The following DOCK9 variants were observed in gnomAD, a reference collection of about 807,000 sequenced individuals.
DOCK9 encodes dedicator of cytokinesis protein 9.
DOCK9 carries 89 observed loss-of-function variants against 263.3 expected under a neutral mutation model. The observed-to-expected ratio is 0.34, with a 90% confidence interval of 0.28 to 0.40. The LOEUF is 0.40. Among genes scored for constraint, DOCK9 ranks in the 10% least tolerant of loss-of-function variants. The probability of loss-of-function intolerance (pLI) is 1.00; values close to 1 mark genes in which losing one functional copy is unlikely to be tolerated. For missense variants in DOCK9, 2,140 were observed against 2,603.4 expected (o/e 0.82, Z 3.87); for synonymous variants, 976 against 973.1 (o/e 1.00, Z -0.06).
chr13:98,814,486 A>G (rs1594266957), intron 45 of DOCK9, among the ~76,000 whole-genome samples: 2 of 150,056 alleles, frequency 1.3e-5, no homozygotes, highest in African/African-American at 4.9e-5. Context: ...GCTTACTGCA[A>G]CCTCCACCTC....
intron 9 of DOCK9, among the ~76,000 whole-genome samples, chr13:98,906,834 A>G (rs1001318412): frequency 1.3e-5 from 2 of 152,158 alleles, no homozygotes; most frequent in African/African-American, 2.4e-5. Flanking sequence ...TTCTAGTTCA[A>G]TTAAGTAGCT....
chr13:98,945,861 G>C (rs6491471), intron 2 of DOCK9, among the ~76,000 whole-genome samples: 29,650 of 152,168 alleles, frequency 0.19, 3,323 homozygotes, highest in African/African-American at 0.31. Flanking sequence ...AAGAGACAGG[G>C]AGAGAAAAAA....
chr13:98,838,100 G>C (rs954611183), intron 38 of DOCK9, among the ~76,000 whole-genome samples: 1 of 152,202 alleles, frequency 6.6e-6, no homozygotes, highest in African/African-American at 2.4e-5. Flanking sequence ...CAGAGGCTAA[G>C]ATTTCCAAAG....
At chr13:98,803,729 T>TA (rs200695611) in intron 49 of DOCK9, among the ~76,000 whole-genome samples, 3 of 152,166 alleles carry the variant, frequency 2.0e-5, no homozygotes, top group Non-Finnish European at 2.9e-5. Flanking sequence ...ATGTGTGCAT[T>TA]AAAAAAATAA....
chr13:99,008,975 T>C (rs1450327213), intron 1 of DOCK9, among the ~76,000 whole-genome samples: 1 of 152,198 alleles, frequency 6.6e-6, no homozygotes, highest in African/African-American at 2.4e-5. Context: ...ACATATATTT[T>C]TATGAATAGT....
intron 1 of DOCK9, among the ~76,000 whole-genome samples, chr13:99,038,763 G>A (rs751245228): frequency 3.9e-5 from 6 of 152,190 alleles, no homozygotes; most frequent in Non-Finnish European, 7.4e-5. Context: ...CTGTGCACAT[G>A]TGTATTCTTT....
At chr13:98,981,185 T>C (rs1877117240), upstream of DOCK9, among the ~76,000 whole-genome samples, 2 of 151,814 alleles carry the variant, frequency 1.3e-5, no homozygotes, top group East Asian at 1.9e-4. Flanking sequence ...GCCTCCCAAG[T>C]AGCTGGGACT....
chr13:99,021,531 C>T (rs9513532), intron 1 of DOCK9, among the ~76,000 whole-genome samples: 74,822 of 150,442 alleles, frequency 0.5, 18,786 homozygotes, highest in East Asian at 0.66. Flanking sequence ...CCCAGCTACT[C>T]GGGAGGCTGA....
intron 1 of DOCK9, among the ~76,000 whole-genome samples, chr13:99,000,319 G>A (rs567101014): frequency 2.0e-5 from 3 of 152,318 alleles, no homozygotes; most frequent in African/African-American, 7.2e-5. Flanking sequence ...TGAGAAAGCA[G>A]TATCTTCCTG....
chr13:98,867,812 C>G, intron 29 of DOCK9, 116 bp downstream of exon 29: 1 of 980,798 alleles, frequency 1.0e-6, no homozygotes, highest in Non-Finnish European at 1.5e-6. Flanking sequence ...GACACAGGCT[C>G]AATACAATAA....
intron 1 of DOCK9, among the ~76,000 whole-genome samples, chr13:98,971,686 T>A (rs147577832): frequency 2.2e-3 from 338 of 152,078 alleles, no homozygotes; most frequent in African/African-American, 7.5e-3. Flanking sequence ...CCAGCCTGGG[T>A]GACAGAGCGA....
intron 49 of DOCK9, among the ~76,000 whole-genome samples, chr13:98,803,100 C>T (rs9554526): frequency 0.35 from 53,765 of 152,028 alleles, 11,296 homozygotes; most frequent in East Asian, 0.62. Context: ...AGGACAGCCT[C>T]GCCATTGCTT....
chr13:98,818,621 A>G (rs2140479935), intron 45 of DOCK9, among the ~76,000 whole-genome samples: 1 of 151,544 alleles, frequency 6.6e-6, no homozygotes, highest in South Asian at 2.1e-4. Context: ...TAATATATTT[A>G]TATTTTTAAT....
intron 7 of DOCK9, among the ~76,000 whole-genome samples, chr13:98,919,582 T>C (rs141874898): frequency 1.4e-3 from 211 of 152,328 alleles, no homozygotes; most frequent in African/African-American, 4.8e-3. Context: ...TGGAGTTATC[T>C]GAAGGGAGAA....
chr13:98,872,542 GA>G (rs1326746902), intron 27 of DOCK9, among the ~76,000 whole-genome samples: 1 of 152,126 alleles, frequency 6.6e-6, no homozygotes, highest in Non-Finnish European at 1.5e-5. Flanking sequence ...GAGTAGCCGG[GA>G]TAACAGGCAT....
chr13:99,031,834 C>A (rs1887377413), intron 1 of DOCK9, among the ~76,000 whole-genome samples: 1 of 152,166 alleles, frequency 6.6e-6, no homozygotes. Context: ...CTGATGAGAA[C>A]CAGAGTAAAT....
At chr13:98,931,019 C>T (rs1375459992) in intron 2 of DOCK9, among the ~76,000 whole-genome samples, 2 of 152,220 alleles carry the variant, frequency 1.3e-5, no homozygotes, top group African/African-American at 4.8e-5. Flanking sequence ...CACCACCATC[C>T]ATCTCTTGTC....
chr13:98,815,758 G>A (rs1485141430), intron 45 of DOCK9, among the ~76,000 whole-genome samples: 1 of 152,152 alleles, frequency 6.6e-6, no homozygotes, highest in Non-Finnish European at 1.5e-5. Flanking sequence ...TGGGATTACA[G>A]GCGTGAGCCA....
intron 32 of DOCK9, among the ~76,000 whole-genome samples, chr13:98,860,819 G>A (rs6491458): frequency 1.3e-5 from 2 of 152,048 alleles, no homozygotes; most frequent in African/African-American, 4.8e-5. Flanking sequence ...TCCAGAGCTC[G>A]GACGCCCAAC....
Sources: allele counts gnomAD v4.1 joint callset (sites outside exome capture counted in the v4.1 genomes callset), GRCh38; gene constraint gnomAD v4.1.1; transcripts MANE v1.5; gene names NCBI Gene and HGNC (gene_info 2026-07-23, HGNC 2026-07-21).